Variants in TENM2 observed in about 807,000 individuals in gnomAD.
TENM2 encodes the protein teneurin transmembrane protein 2.
Under a neutral mutation model 245.2 loss-of-function variants are expected in TENM2, and 52 were observed. The ratio of observed to expected loss-of-function variants is 0.21; its 90% CI spans 0.17 to 0.27. The LOEUF is 0.27. TENM2 is among the 10% of genes least tolerant of loss of function. The probability of loss-of-function intolerance (pLI) is 1.00; values close to 1 mark genes in which losing one functional copy is unlikely to be tolerated. For missense variants in TENM2, 3,046 were observed against 3,666.8 expected (o/e 0.83, Z 4.37); for synonymous variants, 1,363 against 1,438.9 (o/e 0.95, Z 1.19).
chr5:167,042,268 T>A, the TENM2 span, among the ~76,000 whole-genome samples: 1 of 152,194 alleles, frequency 6.6e-6, no homozygotes, highest in East Asian at 1.9e-4. Context: ...ACCACCTTAT[T>A]GCTCACCACG....
chr5:167,660,691 A>G (rs545882605), intron 2 of TENM2, among the ~76,000 whole-genome samples: 1 of 152,120 alleles, frequency 6.6e-6, no homozygotes, highest in South Asian at 2.1e-4. Context: ...TTTAAAGTCT[A>G]ACACCTTGCA....
chr5:167,622,371 C>T (rs1180624195), intron 2 of TENM2, among the ~76,000 whole-genome samples: 1 of 152,032 alleles, frequency 6.6e-6, no homozygotes, highest in Non-Finnish European at 1.5e-5. Context: ...CCGCATAAAC[C>T]AACTTTTTTA....
chr5:167,779,348 G>A (rs1004395107), intron 2 of TENM2, among the ~76,000 whole-genome samples: 5 of 152,148 alleles, frequency 3.3e-5, no homozygotes, highest in South Asian at 4.2e-4. Context: ...CAACCAAGAA[G>A]CAACCAAACA....
chr5:167,603,517 T>C lies in TENM2; in HGVS notation c.502+228044T>C, dbSNP rs563531843. Among the ~76,000 whole-genome samples the C allele has an allele frequency of 2.0e-5, 3 of 152,196 alleles. No individual in the cohort carries two copies. In the South Asian group the frequency reaches 6.2e-4, roughly 32 times the overall value. On this transcript the variant is annotated intron_variant, in intron 2 of 28. Transcript: ENST00000518659. ...GGGCAACATAGTGAAACCCCGTCTC[T>C]ACAAAACAATAAAATTAGCTGGGTG...
At chr5:167,478,291 G>T (rs1411068423) in intron 2 of TENM2, among the ~76,000 whole-genome samples, 1 of 152,178 alleles carries the variant, frequency 6.6e-6, no homozygotes, top group Non-Finnish European at 1.5e-5. Context: ...ACATAGAAGA[G>T]TACAGCTGTG....
the TENM2 span, among the ~76,000 whole-genome samples, chr5:167,095,839 C>T: frequency 6.7e-6 from 1 of 149,196 alleles, no homozygotes; most frequent in African/African-American, 2.5e-5. Flanking sequence ...GGCGTGATCT[C>T]GGCTCACTGC....
intron 2 of TENM2, among the ~76,000 whole-genome samples, chr5:167,601,934 G>C (rs536537482): frequency 6.6e-6 from 1 of 152,004 alleles, no homozygotes; most frequent in South Asian, 2.1e-4. Flanking sequence ...AGGAACTGGG[G>C]ATGGTGAAGG....
chr5:167,431,976 T>TATACACACATATATATAC (rs1764283668), intron 2 of TENM2, among the ~76,000 whole-genome samples: 2 of 136,130 alleles, frequency 1.5e-5, no homozygotes, highest in Admixed American at 7.1e-5. Context: ...TATATATATA[T>TATACACACATATATATAC]ATGGAAGTTC....
At chr5:167,952,316 T>C (rs1561973900) in intron 3 of TENM2, 4 of 557,412 alleles carry the variant, frequency 7.2e-6, no homozygotes, top group Non-Finnish European at 1.3e-5. Flanking sequence ...TTTCAAATAA[T>C]TCCTCTGGTC....
At chr5:167,072,871 G>T in the TENM2 span, among the ~76,000 whole-genome samples, 1 of 152,114 alleles carries the variant, frequency 6.6e-6, no homozygotes, top group Non-Finnish European at 1.5e-5. Context: ...CAAACATAAG[G>T]TCTGTATATT....
Position 168,121,314 on chromosome 5 carries a change from C to T in TENM2, c.2008+2828C>T, listed in dbSNP as rs1311675454. Among the ~76,000 whole-genome samples the T allele has an allele frequency of 3.9e-5, 6 of 152,168 alleles. No homozygotes were observed. The South Asian group carries it at 6.2e-4, about 16-fold the overall frequency. On this transcript the variant is annotated intron_variant, in intron 10 of 28. Transcript: ENST00000518659. The stretch of plus-strand genomic sequence containing the variant: ...AACACTGTTTCTATTTATAAAGCTT[C>T]GTAAAATGCCATAGTCCCTCCTGCC...
intron 25 of TENM2, among the ~76,000 whole-genome samples, chr5:168,237,072 G>A (rs1422714529): frequency 1.6e-5 from 2 of 121,350 alleles, no homozygotes; most frequent in Non-Finnish European, 3.3e-5. Context: ...CTGGAGTGCA[G>A]TGGCACAATC....
At chr5:167,878,459 C>T (rs73803256) in intron 3 of TENM2, among the ~76,000 whole-genome samples, 4,309 of 152,146 alleles carry the variant, frequency 0.028, 192 homozygotes, top group African/African-American at 0.097. Flanking sequence ...TCAGCAGGTA[C>T]TTATTATCAG....
At chr5:167,690,034 C>A (rs185513183) in intron 2 of TENM2, among the ~76,000 whole-genome samples, 1 of 149,818 alleles carries the variant, frequency 6.7e-6, no homozygotes, top group African/African-American at 2.5e-5. Flanking sequence ...GACCCGGGAA[C>A]TTCACCTCCT....
At chr5:168,225,975 C>T in intron 23 of TENM2, 113 bp from the exon 26 acceptor site, 3 of 983,534 alleles carry the variant, frequency 3.1e-6, no homozygotes, top group Non-Finnish European at 4.5e-6. Context: ...AGATGCGCCA[C>T]CCAGCCAACC....
chr5:167,510,222 TC>T (rs1769845893), intron 2 of TENM2, among the ~76,000 whole-genome samples: 1 of 152,212 alleles, frequency 6.6e-6, no homozygotes, highest in Non-Finnish European at 1.5e-5. Context: ...TAATTTACTC[TC>T]TGAAGTTTTC....
intron 2 of TENM2, among the ~76,000 whole-genome samples, chr5:167,773,380 G>C (rs975047995): frequency 3.9e-5 from 6 of 152,314 alleles, no homozygotes; most frequent in Non-Finnish European, 8.8e-5. Flanking sequence ...TCAGGCATTA[G>C]GGCAAGTACC....
intron 2 of TENM2, among the ~76,000 whole-genome samples, chr5:167,430,528 G>T (rs114224876): frequency 1.3e-5 from 2 of 151,920 alleles, no homozygotes; most frequent in Non-Finnish European, 2.9e-5. Context: ...CGGAGATGGC[G>T]GGGGGTCTGG....
chr5:167,719,219 G>A (rs372775747), intron 2 of TENM2, among the ~76,000 whole-genome samples: 1 of 152,118 alleles, frequency 6.6e-6, no homozygotes, highest in East Asian at 1.9e-4. Context: ...CATAACTTAC[G>A]AGCTAAATTT....
Sources: allele counts gnomAD v4.1 joint callset (sites outside exome capture counted in the v4.1 genomes callset), GRCh38; gene constraint gnomAD v4.1.1; transcripts MANE v1.5; gene names NCBI Gene and HGNC (gene_info 2026-07-23, HGNC 2026-07-21).